Variants in LIG1 observed in about 807,000 individuals in gnomAD.
The protein encoded by LIG1 is ligase I, DNA, ATP-dependent.
Under a neutral mutation model 115.7 loss-of-function variants are expected in LIG1, and 70 were observed. The observed-to-expected ratio is 0.60, with a 90% confidence interval of 0.50 to 0.74. The LOEUF (loss-of-function observed/expected upper bound fraction) is 0.74. LIG1 is among the 30% of genes least tolerant of loss of function. The pLI is 0.00. For missense variants in LIG1, 1,115 were observed against 1,225.6 expected (o/e 0.91, Z 1.35); for synonymous variants, 487 against 495.3 (o/e 0.98, Z 0.22).
At chr19:48,165,399 C>G (rs1357420635) in intron 2 of LIG1, 151 bp downstream of exon 2, 5 of 730,332 alleles carry the variant, frequency 6.8e-6, no homozygotes, top group African/African-American at 1.7e-5. Context: ...TCCCACGGCT[C>G]ATTTTCCATA....
intron 5 of LIG1, among the ~76,000 whole-genome samples, chr19:48,155,568 C>T (rs952866267): frequency 1.3e-5 from 2 of 152,138 alleles, no homozygotes; most frequent in East Asian, 1.9e-4. Flanking sequence ...CACCCAGCAT[C>T]GTCCGATGGA....
chr19:48,141,873 C>G (rs564946585), intron 11 of LIG1, among the ~76,000 whole-genome samples: 1 of 152,250 alleles, frequency 6.6e-6, no homozygotes, highest in African/African-American at 2.4e-5. Context: ...GAACAGCCCC[C>G]CCAAAATTCA....
chr19:48,157,877 T>A (rs1233669731), intron 4 of LIG1, among the ~76,000 whole-genome samples: 2 of 152,126 alleles, frequency 1.3e-5, no homozygotes, highest in Admixed American at 6.5e-5. Context: ...GTTTGTTCCC[T>A]CCAGATCGCA....
rs2034213642 is a variant in LIG1, at chr19:48,133,986, C to CTCAG, written c.1600_1603dup (p.Ser535ThrfsTer26). 6.4e-7 allele frequency: 1 copy of CTCAG among 1,553,542 alleles called. No homozygotes were observed. The highest frequency in any genetic ancestry group is 8.7e-7 in the Non-Finnish European group (1 of 1,148,086). On this transcript the variant is annotated frameshift_variant, in exon 17 of 28. Coordinates refer to ENST00000263274, the MANE Select transcript of LIG1 (RefSeq NM_000234.3). LOFTEE classifies it high-confidence loss of function. Reference sequence around the variant, plus strand: ...AGCGCCCCTGGGGCCTGTACCTGGGCTCAGCTTGCAGTGCTCCGGGAGACG... The same window carrying CTCAG: ...AGCGCCCCTGGGGCCTGTACCTGGGCTCAGTCAGCTTGCAGTGCTCCGGGAGACG...
chr19:48,133,994 G>C lies in LIG1; in HGVS notation c.1596C>G (p.Cys532Trp). ...EHGLERLPEH[C>W]KLSPGIPLKP... ...TGGGGCCTGTACCTGGGCTCAGCTT[G>C]CAGTGCTCCGGGAGACGTTCCAGGC... The change falls in exon 17 of 28, where the codon TGC (cysteine) becomes TGG (tryptophan). Residue 532 changes from cysteine (C) to tryptophan (W), a missense_variant. Coordinates refer to ENST00000263274, the MANE Select transcript of LIG1 (RefSeq NM_000234.3). 1.3e-6 allele frequency: 2 copies of C among 1,554,386 alleles called. No individual in the cohort carries two copies. Among genetic ancestry groups the C allele is most frequent in the Non-Finnish European group, 1.7e-6 (2 of 1,148,442 alleles).
intron 25 of LIG1, among the ~76,000 whole-genome samples, chr19:48,118,774 G>C (rs942199948): frequency 3.9e-5 from 6 of 152,194 alleles, no homozygotes; most frequent in Admixed American, 3.3e-4. Flanking sequence ...ATGTAGGACA[G>C]ACACTCATGC....
chr19:48,142,343 T>C (rs565067267), intron 11 of LIG1, among the ~76,000 whole-genome samples: 3 of 150,138 alleles, frequency 2.0e-5, no homozygotes, highest in Non-Finnish European at 4.4e-5. Context: ...CTCGGGAGGC[T>C]GAGGCAGGAG....
intron 17 of LIG1, 185 bp from the exon 18 acceptor site, chr19:48,133,282 C>A: frequency 1.7e-6 from 1 of 603,608 alleles, no homozygotes; most frequent in Non-Finnish European, 3.0e-6. Flanking sequence ...GGCCTTCCTT[C>A]CAGGTGGGAA....
At position 48,133,121 on chromosome 19, in the gene LIG1, AGAG is replaced by A. The variant is rs1370790654; in HGVS notation, c.1610-27_1610-25del. On this transcript the variant is annotated intron_variant, in intron 17 of 27. Transcript: ENST00000263274. ...CCCTGGGAAAGGAGGAGAGTGAGTT[AGAG>A]GAGAGGGAAGGCAATGGATTAGAGG... 6.1e-6 allele frequency: 9 copies of A among 1,476,374 alleles called. No homozygotes were observed. In the South Asian group the frequency reaches 9.1e-5, roughly 15 times the overall value. 91.5% of individuals were successfully genotyped at this position (1,476,374 alleles called of 1,614,324 possible).
At chr19:48,147,757 A>C (rs1321396623) in intron 9 of LIG1, among the ~76,000 whole-genome samples, 23 of 152,158 alleles carry the variant, frequency 1.5e-4, no homozygotes. Flanking sequence ...AAAATCCAGT[A>C]GCTAACACGT....
chr19:48,159,228 C>T (rs1173999174), intron 4 of LIG1, among the ~76,000 whole-genome samples: 1 of 152,158 alleles, frequency 6.6e-6, no homozygotes, highest in Non-Finnish European at 1.5e-5. Flanking sequence ...CAGGCCCGTG[C>T]CACCATGCCC....
intron 6 of LIG1, among the ~76,000 whole-genome samples, chr19:48,152,062 A>G (rs943946287): frequency 1.3e-5 from 2 of 152,182 alleles, no homozygotes; most frequent in Non-Finnish European, 1.5e-5. Context: ...CTCACTGGAC[A>G]CTGACAGTGG....
intron 6 of LIG1, among the ~76,000 whole-genome samples, chr19:48,151,825 A>G (rs1371447381): frequency 6.6e-6 from 1 of 152,182 alleles, no homozygotes; most frequent in Non-Finnish European, 1.5e-5. Context: ...TTGCCTATGT[A>G]GCCGAGACAT....
chr19:48,169,452 A>G (rs2036652511), intron 1 of LIG1, among the ~76,000 whole-genome samples: 1 of 152,212 alleles, frequency 6.6e-6, no homozygotes, highest in African/African-American at 2.4e-5. Context: ...CTCTTTTCAC[A>G]ACTTCCTTGA....
In LIG1 at chr19:48,165,804, A is replaced by G. The variant is rs770015107; in HGVS notation, c.-57-181T>C. ...TGCTGGTGAGATTTACTGGTGCAGA[A>G]TAAAAGCTCCAAATCAGAGAAAAAG... On this transcript the variant is annotated intron_variant, in intron 1 of 27. Coordinates refer to ENST00000263274, the MANE Select transcript of LIG1 (RefSeq NM_000234.3). 2.5e-5 allele frequency: 16 copies of G among 634,716 alleles called. No individual in the cohort carries two copies. The South Asian group carries it at 2.7e-4, about 11-fold the overall frequency. 39.3% of individuals were successfully genotyped at this position (634,716 alleles called of 1,614,324 possible). A position where few individuals can be genotyped will look rare whatever the true frequency, so the allele number is the denominator to read the frequency against.
chr19:48,156,071 C>G (rs142594786), intron 5 of LIG1, among the ~76,000 whole-genome samples: 1 of 152,170 alleles, frequency 6.6e-6, no homozygotes, highest in African/African-American at 2.4e-5. Flanking sequence ...CATTCCAAGT[C>G]CCCCTTAGGA....
chr19:48,145,042 G>C (rs1460596740), intron 9 of LIG1, among the ~76,000 whole-genome samples: 1 of 152,154 alleles, frequency 6.6e-6, no homozygotes, highest in African/African-American at 2.4e-5. Flanking sequence ...TGAGTAGCTA[G>C]GACTACAGGT....
At chr19:48,154,299 T>C (rs747405586) in intron 5 of LIG1, 1 of 361,030 alleles carries the variant, frequency 2.8e-6, no homozygotes, top group Non-Finnish European at 5.4e-6. Context: ...TCCCCTCAGA[T>C]CTTAACTGCC....
At chr19:48,157,690 G>A (rs1448832474) in intron 4 of LIG1, among the ~76,000 whole-genome samples, 12 of 152,096 alleles carry the variant, frequency 7.9e-5, no homozygotes, top group South Asian at 2.1e-4. Flanking sequence ...GATAACAGGC[G>A]CCCGCCACCA....
Sources: allele counts gnomAD v4.1 joint callset (sites outside exome capture counted in the v4.1 genomes callset), GRCh38; gene constraint gnomAD v4.1.1; transcripts MANE v1.5; gene names NCBI Gene and HGNC (gene_info 2026-07-23, HGNC 2026-07-21).